Variants in EPM2A observed in about 807,000 individuals in gnomAD.
EPM2A encodes EPM2A glucan phosphatase, laforin, also known as laforin.
Under a neutral mutation model 26.5 loss-of-function variants are expected in EPM2A, and 21 were observed. That is an observed-to-expected ratio of 0.79 (90% CI 0.56 to 1.14). The LOEUF is 1.14. EPM2A is among the 50% of genes most tolerant of loss of function. EPM2A has a pLI of 0.00. For missense variants in EPM2A, 458 were observed against 440.8 expected, an observed-to-expected ratio of 1.04 and a Z score of -0.35; for synonymous variants, 217 against 177.6, an observed-to-expected ratio of 1.22 and a Z score of -1.76.
At chr6:145,448,745 A>G (rs1429555483) in intron 4 of EPM2A, among the ~76,000 whole-genome samples, 2 of 152,238 alleles carry the variant, frequency 1.3e-5, no homozygotes, top group South Asian at 2.1e-4. Context: ...TTACTTAAAT[A>G]GGAAAATGAA....
chr6:145,665,989 A>G (rs2128593304), intron 2 of EPM2A, among the ~76,000 whole-genome samples: 1 of 147,278 alleles, frequency 6.8e-6, no homozygotes, highest in Non-Finnish European at 1.5e-5. Flanking sequence ...AACTCTCAAT[A>G]AATTAGGTAT....
intron 3 of EPM2A, 61 bp from the exon 4 acceptor site, chr6:145,627,754 G>T: frequency 1.3e-6 from 2 of 1,589,264 alleles, no homozygotes; most frequent in South Asian, 1.1e-5. Flanking sequence ...CCGCCGCTGA[G>T]GTCTCCTCCA....
chr6:145,553,906 C>A (rs1780687440), intron 2 of EPM2A, among the ~76,000 whole-genome samples: 1 of 148,438 alleles, frequency 6.7e-6, no homozygotes, highest in South Asian at 2.1e-4. Flanking sequence ...ATAACATTGG[C>A]TTAGAAATTC....
intron 2 of EPM2A, among the ~76,000 whole-genome samples, chr6:145,510,709 A>G (rs565532479): frequency 9.8e-5 from 15 of 152,310 alleles, no homozygotes; most frequent in Admixed American, 7.8e-4. Flanking sequence ...AAACAAAAAA[A>G]TAAAACCAAA....
At chr6:145,532,933 A>G (rs1479215702) in intron 2 of EPM2A, among the ~76,000 whole-genome samples, 4 of 152,038 alleles carry the variant, frequency 2.6e-5, no homozygotes, top group African/African-American at 9.7e-5. Flanking sequence ...GCTTACTTCA[A>G]GTACAATTTG....
chr6:145,448,794 A>G (rs1404807529), intron 4 of EPM2A, among the ~76,000 whole-genome samples: 1 of 152,202 alleles, frequency 6.6e-6, no homozygotes, highest in Non-Finnish European at 1.5e-5. Context: ...TTTGAAACTT[A>G]AAAGATAATT....
At chr6:145,529,025 TA>T (rs1432230873) in intron 2 of EPM2A, among the ~76,000 whole-genome samples, 1 of 152,024 alleles carries the variant, frequency 6.6e-6, no homozygotes, top group Non-Finnish European at 1.5e-5. Context: ...AACAAGAAAA[TA>T]ACTAGAGTCA....
intron 4 of EPM2A, among the ~76,000 whole-genome samples, chr6:145,487,053 C>T (rs1432548234): frequency 2.0e-5 from 3 of 152,026 alleles, no homozygotes; most frequent in African/African-American, 7.2e-5. Flanking sequence ...TCCATGTGTT[C>T]TCATCATTTA....
At chr6:145,725,049 T>C (rs1409392796) in intron 1 of EPM2A, among the ~76,000 whole-genome samples, 1 of 152,032 alleles carries the variant, frequency 6.6e-6, no homozygotes, top group African/African-American at 2.4e-5. Context: ...AGTCACACAC[T>C]GAGAGAAAAT....
chr6:145,698,061 T>C (rs924839684), intron 1 of EPM2A, among the ~76,000 whole-genome samples: 19 of 152,316 alleles, frequency 1.2e-4, no homozygotes, highest in Admixed American at 2.6e-4. Context: ...TAAGAAATTA[T>C]AAAAGTATTA....
chr6:145,718,039 C>T (rs1364383768), intron 1 of EPM2A, among the ~76,000 whole-genome samples: 1 of 151,530 alleles, frequency 6.6e-6, no homozygotes, highest in Non-Finnish European at 1.5e-5. Flanking sequence ...AATGGCCATA[C>T]TGCCCAAGGT....
chr6:145,452,489 C>CAAAAAAAAAAAAAAAAAAAAAAAAAA (rs563777945), intron 4 of EPM2A, among the ~76,000 whole-genome samples: 1 of 75,862 alleles, frequency 1.3e-5, no homozygotes, highest in African/African-American at 6.1e-5. Flanking sequence ...ACTAAAAATA[C>CAAAAAAAAAAAAAAAAAAAAAAAAAA]AAAAAAAAAA....
chr6:145,476,099 C>T (rs895572500), intron 4 of EPM2A, among the ~76,000 whole-genome samples: 1 of 151,920 alleles, frequency 6.6e-6, no homozygotes, highest in East Asian at 1.9e-4. Flanking sequence ...CCAATTGAAA[C>T]CAAAACAGAG....
intron 2 of EPM2A, chr6:145,670,769 TA>T (rs1779581765): frequency 2.1e-5 from 5 of 235,242 alleles, no homozygotes; most frequent in Non-Finnish European, 2.8e-5. Context: ...TTCTCTTATA[TA>T]AAAATATATT....
intron 4 of EPM2A, among the ~76,000 whole-genome samples, chr6:145,443,321 A>T (rs1025906973): frequency 2.6e-5 from 4 of 152,208 alleles, no homozygotes; most frequent in African/African-American, 9.6e-5. Context: ...TGCTTTGGGC[A>T]GTATAGCCAT....
chr6:145,613,337 T>C (rs1480052440), intron 2 of EPM2A, among the ~76,000 whole-genome samples: 1 of 152,206 alleles, frequency 6.6e-6, no homozygotes, highest in Non-Finnish European at 1.5e-5. Context: ...CTGCAGTTAC[T>C]TCCTTTACTG....
rs149572615 is a variant in EPM2A, at chr6:145,405,299, G to A, written c.556-21202C>T. ...CACAGTGGCTCATTGTGAATTCTAC[G>A]GCCTATGTTCTGATGACAACTAGTC... is the stretch of plus-strand genomic sequence containing the variant. On this transcript the variant is annotated intron_variant, in intron 4 of 4. Coordinates refer to the EPM2A transcript ENST00000638717. Among the ~76,000 whole-genome samples, 309 of 152,042 alleles carry A rather than the reference G, an allele frequency of 2.0e-3. 6 individuals are homozygous for A. The highest frequency in any genetic ancestry group is 0.013 in the East Asian group (65 of 5,166).
At chr6:145,486,030 G>A (rs2114737178) in intron 4 of EPM2A, among the ~76,000 whole-genome samples, 1 of 152,324 alleles carries the variant, frequency 6.6e-6, no homozygotes, top group Non-Finnish European at 1.5e-5. Context: ...GATGAGATTT[G>A]GGTGAGGATA....
intron 2 of EPM2A, among the ~76,000 whole-genome samples, chr6:145,596,959 A>ATCTCCGC: frequency 7.0e-6 from 1 of 142,582 alleles, no homozygotes; most frequent in South Asian, 2.2e-4. Flanking sequence ...CAGTGGCGCA[A>ATCTCCGC]TCTCGGCTCA....
Sources: allele counts gnomAD v4.1 joint callset (sites outside exome capture counted in the v4.1 genomes callset), GRCh38; gene constraint gnomAD v4.1.1; transcripts MANE v1.5; gene names NCBI Gene and HGNC (gene_info 2026-07-23, HGNC 2026-07-21).